The following CHD1 variants were observed in gnomAD, a reference collection of about 807,000 sequenced individuals.
CHD1 encodes chromodomain helicase DNA binding protein 1, also known as ATP-dependent chromatin remodeler CHD1.
A neutral mutation model predicts 224.2 loss-of-function variants in CHD1; 36 were observed. That is an observed-to-expected ratio of 0.16 (90% CI 0.12 to 0.21). The LOEUF (loss-of-function observed/expected upper bound fraction) is 0.21. Among genes scored for constraint, CHD1 ranks in the 10% least tolerant of loss-of-function variants. The pLI is 1.00. For synonymous variants in CHD1, 668 were observed against 658.3 expected, an observed-to-expected ratio of 1.01 and a Z score of -0.23; for missense variants, 1,378 against 1,994.8, an observed-to-expected ratio of 0.69 and a Z score of 5.89.
intron 32 of CHD1, among the ~76,000 whole-genome samples, chr5:98,863,148 A>T (rs1157584531): frequency 1.3e-5 from 2 of 152,128 alleles, no homozygotes; most frequent in Non-Finnish European, 2.9e-5. Flanking sequence ...AATAAAATGC[A>T]ATCTGAATTT....
At chr5:98,910,316 AAAGTT>A (rs1233857768) in intron 2 of CHD1, among the ~76,000 whole-genome samples, 2 of 152,206 alleles carry the variant, frequency 1.3e-5, no homozygotes, top group African/African-American at 4.8e-5. Flanking sequence ...TATGATTATT[AAAGTT>A]AAGATGACTA....
intron 2 of CHD1, among the ~76,000 whole-genome samples, chr5:98,914,518 A>G (rs895609483): frequency 6.2e-5 from 7 of 112,508 alleles, no homozygotes; most frequent in East Asian, 4.1e-4. Context: ...AATGCCATAG[A>G]AAAAAAAAAT....
rs1748015563 is a variant in CHD1, at chr5:98,856,305, T to C, written c.*75A>G. The C allele has an allele frequency of 9.5e-7, 1 of 1,049,800 alleles. No homozygotes were observed. Among genetic ancestry groups the C allele is most frequent in the African/African-American group, 1.6e-5 (1 of 62,962 alleles). 65.0% of individuals were successfully genotyped at this position (1,049,800 alleles called of 1,614,324 possible). Reference sequence around the variant, plus strand: ...AGATCTGTTTATATCTTTCAAGTCATGTAAGGCAATTACTGTGTTGGTTTA... The same window carrying C: ...AGATCTGTTTATATCTTTCAAGTCACGTAAGGCAATTACTGTGTTGGTTTA... On this transcript the variant is annotated 3_prime_UTR_variant, in exon 36 of 36. Coordinates refer to ENST00000614616, the MANE Select transcript of CHD1 (RefSeq NM_001270.4).
intron 18 of CHD1, among the ~76,000 whole-genome samples, chr5:98,885,377 G>A (rs574932838): frequency 6.6e-6 from 1 of 152,278 alleles, no homozygotes; most frequent in East Asian, 1.9e-4. Flanking sequence ...GGGCCACAGA[G>A]TGAGACTCTG....
At chr5:98,877,024 G>C (rs1749813168) in intron 23 of CHD1, among the ~76,000 whole-genome samples, 1 of 151,988 alleles carries the variant, frequency 6.6e-6, no homozygotes, top group African/African-American at 2.4e-5. Context: ...TAAAATATTA[G>C]CCAGGTATTT....
At chr5:98,894,314 G>C (rs950474616) in intron 13 of CHD1, among the ~76,000 whole-genome samples, 2 of 152,078 alleles carry the variant, frequency 1.3e-5, no homozygotes, top group Non-Finnish European at 2.9e-5. Flanking sequence ...GGTTTCATTC[G>C]ATTGAGTTGG....
At chr5:98,877,271 T>A (rs1749830106) in intron 23 of CHD1, among the ~76,000 whole-genome samples, 1 of 152,212 alleles carries the variant, frequency 6.6e-6, no homozygotes, top group Non-Finnish European at 1.5e-5. Context: ...GGTTGTAGAA[T>A]AATTAACATT....
At chr5:98,862,826 C>A (rs1186425710) in intron 32 of CHD1, among the ~76,000 whole-genome samples, 2 of 152,154 alleles carry the variant, frequency 1.3e-5, no homozygotes, top group African/African-American at 2.4e-5. Flanking sequence ...AGTTGCCAGG[C>A]TTTCAAATTT....
At position 98,856,408 on chromosome 5, in the gene CHD1, T is replaced by C. The variant is rs1748026443; in HGVS notation, c.5105A>G (p.Glu1702Gly). 3.1e-6 allele frequency: 5 copies of C among 1,613,144 alleles called. No homozygotes were observed. The highest frequency in any genetic ancestry group is 4.2e-6 in the Non-Finnish European group (5 of 1,179,306). ...TGTTTTCCGACTACTCCAGGTATGCTCCGGTGTACTTTTGTGTTCAACTGA... is the reference window on the plus strand; with the variant it reads ...TGTTTTCCGACTACTCCAGGTATGCCCCGGTGTACTTTTGTGTTCAACTGA... ...EHSVEHKSTP[E>G]HTWSSRKT Residue 1702 changes from glutamate to glycine, a missense_variant, in exon 36 of 36, where the codon GAG becomes GGG. By Grantham distance (98) the Glu-to-Gly change is moderately conservative. Coordinates refer to ENST00000614616, the MANE Select transcript of CHD1 (RefSeq NM_001270.4).
At chr5:98,922,716 G>C (rs1273871296) in intron 2 of CHD1, among the ~76,000 whole-genome samples, 1 of 152,150 alleles carries the variant, frequency 6.6e-6, no homozygotes, top group Non-Finnish European at 1.5e-5. Flanking sequence ...GGCCAGGCAC[G>C]GTGGCTCATG....
chr5:98,925,396 C>T (rs557977027), intron 2 of CHD1, among the ~76,000 whole-genome samples: 25 of 152,194 alleles, frequency 1.6e-4, no homozygotes, highest in South Asian at 8.3e-4. Context: ...CAAGCCCAGC[C>T]GTGAACTTTA....
At chr5:98,878,330 G>C (rs1380123330) in intron 23 of CHD1, among the ~76,000 whole-genome samples, 1 of 152,214 alleles carries the variant, frequency 6.6e-6, no homozygotes. Flanking sequence ...AACAGAATAA[G>C]ATCTAATACG....
At chr5:98,918,390 T>C (rs1272129266) in intron 2 of CHD1, among the ~76,000 whole-genome samples, 1 of 151,540 alleles carries the variant, frequency 6.6e-6, no homozygotes, top group Non-Finnish European at 1.5e-5. Context: ...AAACCTCAGG[T>C]AAAGAACTGC....
At chr5:98,874,396 A>T (rs553698213) in intron 25 of CHD1, among the ~76,000 whole-genome samples, 1 of 152,144 alleles carries the variant, frequency 6.6e-6, no homozygotes, top group African/African-American at 2.4e-5. Flanking sequence ...GAATTTGAGA[A>T]ACTTAAGAAA....
rs751151178 is a variant in CHD1, at chr5:98,901,351, AT to A, written c.438-17del. ...CCAATCTTCACTGCAGACAAAATTTATAAAGTATTTTTATTTGTACTTATAT... is the reference window on the plus strand; with the variant it reads ...CCAATCTTCACTGCAGACAAAATTTAAAAGTATTTTTATTTGTACTTATAT... On this transcript the variant is annotated splice_polypyrimidine_tract_variant and intron_variant, in intron 5 of 35. Coordinates refer to ENST00000614616, the MANE Select transcript of CHD1 (RefSeq NM_001270.4). 43 of 1,589,592 alleles carry A rather than the reference AT, an allele frequency of 2.7e-5. No individual in the cohort carries two copies. Among genetic ancestry groups the A allele is most frequent in the Non-Finnish European group, 3.6e-5 (42 of 1,172,490 alleles).
intron 1 of CHD1, among the ~76,000 whole-genome samples, chr5:98,927,333 C>A (rs548772457): frequency 6.6e-6 from 1 of 152,038 alleles, no homozygotes; most frequent in African/African-American, 2.4e-5. Context: ...AGATCTCTGG[C>A]AGGGGAGGGA....
chr5:98,886,431 C>A (rs139451680), intron 17 of CHD1, among the ~76,000 whole-genome samples: 2 of 152,274 alleles, frequency 1.3e-5, no homozygotes, highest in Non-Finnish European at 2.9e-5. Context: ...TAGCACAGTG[C>A]CTACAACATA....
At chr5:98,876,089 T>G (rs1199821395) in intron 24 of CHD1, among the ~76,000 whole-genome samples, 1 of 152,178 alleles carries the variant, frequency 6.6e-6, no homozygotes, top group East Asian at 1.9e-4. Flanking sequence ...CCGTGAGAAT[T>G]TTTAAAAATC....
At chr5:98,897,392 A>G in intron 10 of CHD1, 72 bp from the exon 11 acceptor site, 1 of 1,094,400 alleles carries the variant, frequency 9.1e-7, no homozygotes, top group Non-Finnish European at 1.3e-6. Flanking sequence ...TGAAAGCCTC[A>G]GCTTTACCAT....
Sources: gnomAD v4.1 joint callset for allele counts (sites outside exome capture counted in the v4.1 genomes callset) on GRCh38, gnomAD v4.1.1 for gene constraint, MANE v1.5 for transcripts, NCBI Gene and HGNC (gene_info 2026-07-23, HGNC 2026-07-21) for gene names.